The following VOPP1 variants were observed in gnomAD, a reference collection of about 807,000 sequenced individuals.
VOPP1 encodes the protein WW domain binding protein VOPP1.
In VOPP1, 8 loss-of-function variants were observed where a neutral mutation model predicts 23.5. That is an observed-to-expected ratio of 0.34 (90% CI 0.20 to 0.61). The LOEUF (loss-of-function observed/expected upper bound fraction) is 0.61. Ranked by LOEUF, VOPP1 falls within the 20% of genes least tolerant of loss-of-function variation. The pLI, the probability that VOPP1 is intolerant of heterozygous loss-of-function variation, is 0.78. For synonymous variants in VOPP1, 83 were observed against 97.3 expected (o/e 0.85, Z 0.86); for missense variants, 174 against 238.1 (o/e 0.73, Z 1.77).
chr7:55,441,402 C>T (rs1562877000), intron 4 of VOPP1, among the ~76,000 whole-genome samples: 1 of 152,150 alleles, frequency 6.6e-6, no homozygotes, highest in South Asian at 2.1e-4. Context: ...CACCCAGAGA[C>T]AAGCGCACAG....
At chr7:55,457,160 A>G (rs547072157) in intron 4 of VOPP1, among the ~76,000 whole-genome samples, 1 of 152,172 alleles carries the variant, frequency 6.6e-6, no homozygotes, top group Admixed American at 6.5e-5. Flanking sequence ...CACCTTTTTT[A>G]GCTCCCATAT....
intron 3 of VOPP1, among the ~76,000 whole-genome samples, chr7:55,494,915 T>C (rs1358020900): frequency 6.6e-6 from 1 of 152,196 alleles, no homozygotes; most frequent in African/African-American, 2.4e-5. Flanking sequence ...GGCTGTTCCC[T>C]AGATGTCCTC....
intron 4 of VOPP1, 130 bp downstream of exon 4, chr7:55,492,152 G>C (rs1290433357): frequency 7.6e-7 from 1 of 1,317,582 alleles, no homozygotes; most frequent in Non-Finnish European, 1.0e-6. Context: ...CTGGTCATCA[G>C]AACTAAAAAA....
At chr7:55,485,260 TCTC>T (rs1793048331) in intron 4 of VOPP1, among the ~76,000 whole-genome samples, 1 of 151,960 alleles carries the variant, frequency 6.6e-6, no homozygotes, top group East Asian at 1.9e-4. Flanking sequence ...CCCACCAGCT[TCTC>T]CTCCACAGGG....
At chr7:55,534,653 G>A (rs1242310692) in intron 1 of VOPP1, among the ~76,000 whole-genome samples, 3 of 152,180 alleles carry the variant, frequency 2.0e-5, no homozygotes, top group Non-Finnish European at 4.4e-5. Context: ...CAGGTGTCCT[G>A]CCCACAAAAG....
chr7:55,453,253 T>C lies in VOPP1; in HGVS notation n.418-17079A>G, dbSNP rs554163380. Among the ~76,000 whole-genome samples the C allele has an allele frequency of 8.5e-5, 13 of 152,342 alleles. 1 individual carries two copies. The highest frequency in any genetic ancestry group is 2.6e-4 in the African/African-American group (11 of 41,586). The stretch of plus-strand genomic sequence containing the variant: ...GTTTCCTCACCTCTTTCAGCCTCCA[T>C]AGAATTGAAGACTATATCAGCATTG... On this transcript the variant is annotated intron_variant and non_coding_transcript_variant, in intron 4 of 4. Transcript: ENST00000462326.
At chr7:55,568,572 T>C (rs886187456) in intron 1 of VOPP1, among the ~76,000 whole-genome samples, 2 of 152,196 alleles carry the variant, frequency 1.3e-5, no homozygotes, top group Non-Finnish European at 2.9e-5. Flanking sequence ...TTACACTAAA[T>C]AGCATACTAT....
chr7:55,565,512 A>G (rs1798135016), intron 1 of VOPP1, among the ~76,000 whole-genome samples: 1 of 152,252 alleles, frequency 6.6e-6, no homozygotes, highest in African/African-American at 2.4e-5. Context: ...ATGGTACAAA[A>G]CAATATGGGA....
chr7:55,545,926 G>A (rs190422835), intron 1 of VOPP1, among the ~76,000 whole-genome samples: 3 of 152,026 alleles, frequency 2.0e-5, no homozygotes, highest in African/African-American at 7.3e-5. Context: ...ACAAAAATTA[G>A]CATGGTGGCA....
chr7:55,537,198 A>T (rs1796848104), intron 1 of VOPP1, among the ~76,000 whole-genome samples: 1 of 152,102 alleles, frequency 6.6e-6, no homozygotes, highest in Non-Finnish European at 1.5e-5. Flanking sequence ...TGTCCCAACC[A>T]GGCCTGCATA....
intron 4 of VOPP1, among the ~76,000 whole-genome samples, chr7:55,462,519 C>A (rs932336726): frequency 1.3e-5 from 2 of 152,048 alleles, no homozygotes; most frequent in African/African-American, 4.8e-5. Context: ...CTCATAGGCT[C>A]TCTCTTTTGT....
chr7:55,525,070 G>A (rs1185190023), intron 1 of VOPP1, among the ~76,000 whole-genome samples: 19 of 152,126 alleles, frequency 1.2e-4, no homozygotes, highest in Admixed American at 1.2e-3. Flanking sequence ...CACCAGAGTC[G>A]ACGGGCAAAG....
intron 2 of VOPP1, among the ~76,000 whole-genome samples, chr7:55,513,613 A>T (rs1795221584): frequency 6.6e-6 from 1 of 152,204 alleles, no homozygotes; most frequent in African/African-American, 2.4e-5. Flanking sequence ...CTAGTCATGC[A>T]AAAGACCTCT....
chr7:55,520,500 G>A (rs1209647331), intron 2 of VOPP1, among the ~76,000 whole-genome samples: 2 of 152,132 alleles, frequency 1.3e-5, no homozygotes, highest in Non-Finnish European at 2.9e-5. Flanking sequence ...GGAAGAAAAT[G>A]CAGCAATGCC....
intron 4 of VOPP1, among the ~76,000 whole-genome samples, chr7:55,444,177 T>G (rs963233309): frequency 6.6e-6 from 1 of 152,192 alleles, no homozygotes; most frequent in Middle Eastern, 3.2e-3. Context: ...AGAGCTTTGA[T>G]GATGGTTTGG....
chr7:55,436,663 T>C (rs28615994), intron 4 of VOPP1, among the ~76,000 whole-genome samples: 1 of 149,898 alleles, frequency 6.7e-6, no homozygotes, highest in Non-Finnish European at 1.5e-5. Flanking sequence ...TGTGTGCGTG[T>C]GTGCGTGCGT....
At chr7:55,467,887 G>C (rs956723986), downstream of VOPP1, among the ~76,000 whole-genome samples, 2 of 152,220 alleles carry the variant, frequency 1.3e-5, no homozygotes, top group African/African-American at 4.8e-5. Flanking sequence ...ACTGATGGCA[G>C]GATTCCAGTA....
intron 2 of VOPP1, among the ~76,000 whole-genome samples, chr7:55,507,913 A>G (rs773922191): frequency 5.5e-4 from 84 of 152,268 alleles, no homozygotes; most frequent in Non-Finnish European, 1.1e-3. Flanking sequence ...CGAGACGTTG[A>G]GGGTGGGAAG....
chr7:55,468,866 C>T (rs1791703146), downstream of VOPP1, among the ~76,000 whole-genome samples: 2 of 152,160 alleles, frequency 1.3e-5, no homozygotes, highest in Non-Finnish European at 2.9e-5. Flanking sequence ...TTGACTAGAA[C>T]TGTGCTTAGG....
Sources: gnomAD v4.1 joint callset for allele counts (sites outside exome capture counted in the v4.1 genomes callset) on GRCh38, gnomAD v4.1.1 for gene constraint, MANE v1.5 for transcripts, NCBI Gene and HGNC (gene_info 2026-07-23, HGNC 2026-07-21) for gene names.